Variants in SEMA3A observed in about 807,000 individuals in gnomAD.
The protein encoded by SEMA3A is semaphorin 3A.
SEMA3A carries 29 observed loss-of-function variants against 97.9 expected under a neutral mutation model. The ratio of observed to expected loss-of-function variants is 0.30; its 90% CI spans 0.22 to 0.40. The LOEUF (loss-of-function observed/expected upper bound fraction) is 0.40. Ranked by LOEUF, SEMA3A falls within the 10% of genes least tolerant of loss-of-function variation. The pLI, the probability that SEMA3A is intolerant of heterozygous loss-of-function variation, is 1.00. For missense variants in SEMA3A, 763 were observed against 951.3 expected (o/e 0.80, Z 2.60); for synonymous variants, 321 against 323.7 (o/e 0.99, Z 0.09).
intron 2 of SEMA3A, among the ~76,000 whole-genome samples, chr7:84,319,041 G>A (rs539792808): frequency 1.3e-5 from 2 of 152,116 alleles, no homozygotes; most frequent in African/African-American, 2.4e-5. Context: ...ATAATTCAAG[G>A]ACTGTTCAAA....
chr7:84,369,203 T>G (rs1013786618), intron 2 of SEMA3A, among the ~76,000 whole-genome samples: 12 of 151,168 alleles, frequency 7.9e-5, no homozygotes, highest in Admixed American at 4.0e-4. Context: ...ATTTGGGATG[T>G]CTGGAATCTT....
intron 4 of SEMA3A, among the ~76,000 whole-genome samples, chr7:84,093,350 G>A (rs1173468696): frequency 6.6e-6 from 1 of 152,100 alleles, no homozygotes; most frequent in Non-Finnish European, 1.5e-5. Context: ...TTACTCATCT[G>A]ACTTTTTGCT....
chr7:84,201,508 G>A (rs1032433880), intron 3 of SEMA3A, among the ~76,000 whole-genome samples: 9 of 151,778 alleles, frequency 5.9e-5, no homozygotes, highest in South Asian at 2.1e-4. Context: ...TTCTTTCCCC[G>A]CCCCCCAATG....
At chr7:83,981,171 AAAC>A in intron 14 of SEMA3A, 147 bp downstream of exon 14, 2 of 806,716 alleles carry the variant, frequency 2.5e-6, no homozygotes, top group South Asian at 3.6e-5. Context: ...AGAAGAGAAA[AAAC>A]AAAACGCAAC....
intron 2 of SEMA3A, among the ~76,000 whole-genome samples, chr7:84,326,237 T>G (rs77528001): frequency 0.072 from 10,966 of 152,186 alleles, 1,013 homozygotes; most frequent in African/African-American, 0.2. Context: ...GAAAGATGCA[T>G]GTTGGTTGCT....
intron 3 of SEMA3A, among the ~76,000 whole-genome samples, chr7:84,246,383 A>G: frequency 6.6e-6 from 1 of 152,216 alleles, no homozygotes; most frequent in Admixed American, 6.5e-5. Context: ...ATAAAATCTT[A>G]AACTTACGTA....
At chr7:84,260,792 T>C (rs987588331) in intron 3 of SEMA3A, among the ~76,000 whole-genome samples, 2 of 152,094 alleles carry the variant, frequency 1.3e-5, no homozygotes, top group Non-Finnish European at 2.9e-5. Context: ...AGCCTGTGCG[T>C]CATGGATGAT....
At chr7:84,102,588 CT>C (rs3074757) in intron 4 of SEMA3A, among the ~76,000 whole-genome samples, 5,125 of 96,600 alleles carry the variant, frequency 0.053, 146 homozygotes, top group South Asian at 0.08. Flanking sequence ...TGCATTATCG[CT>C]TTTTTTTTTT....
At chr7:84,060,211 G>A (rs1279819634) in intron 5 of SEMA3A, among the ~76,000 whole-genome samples, 2 of 152,162 alleles carry the variant, frequency 1.3e-5, no homozygotes. Flanking sequence ...ACCAAGTGGG[G>A]CTGCATAGTA....
At chr7:84,006,196 T>G (rs1202377448) in intron 10 of SEMA3A, among the ~76,000 whole-genome samples, 2 of 152,110 alleles carry the variant, frequency 1.3e-5, no homozygotes, top group Admixed American at 1.3e-4. Flanking sequence ...AATTAATCTT[T>G]CTTTGGATTA....
chr7:84,457,813 T>C (rs921793159), intron 1 of SEMA3A, among the ~76,000 whole-genome samples: 3 of 151,980 alleles, frequency 2.0e-5, no homozygotes, highest in African/African-American at 7.2e-5. Context: ...TCTTTAGAGA[T>C]AGATAATTAT....
chr7:84,005,585 T>C, intron 10 of SEMA3A, 27 bp from the exon 11 acceptor site: 1 of 1,443,252 alleles, frequency 6.9e-7, no homozygotes, highest in Non-Finnish European at 9.6e-7. Flanking sequence ...AAAATTATCT[T>C]TTGATTAAAA....
chr7:84,263,518 A>G (rs1442653430), intron 3 of SEMA3A, among the ~76,000 whole-genome samples: 3 of 152,206 alleles, frequency 2.0e-5, no homozygotes, highest in Non-Finnish European at 2.9e-5. Context: ...GGGTTTAATA[A>G]AAGTACCTAA....
intron 3 of SEMA3A, among the ~76,000 whole-genome samples, chr7:84,281,475 C>A (rs929238610): frequency 2.0e-5 from 3 of 152,070 alleles, no homozygotes; most frequent in African/African-American, 7.2e-5. Flanking sequence ...GAGCATCACC[C>A]AGGGATTATA....
intron 1 of SEMA3A, among the ~76,000 whole-genome samples, chr7:84,377,455 G>A (rs1803131363): frequency 6.6e-6 from 1 of 152,052 alleles, no homozygotes; most frequent in African/African-American, 2.4e-5. Flanking sequence ...TGTTCCATTG[G>A]TCTATGTGTC....
chr7:84,341,252 C>A (rs1238574109), intron 2 of SEMA3A, among the ~76,000 whole-genome samples: 1 of 152,178 alleles, frequency 6.6e-6, no homozygotes, highest in Non-Finnish European at 1.5e-5. Flanking sequence ...GTGTATCCAA[C>A]TAAGAAATTC....
intron 5 of SEMA3A, among the ~76,000 whole-genome samples, chr7:84,050,314 C>T (rs1792563742): frequency 1.3e-5 from 2 of 152,296 alleles, no homozygotes; most frequent in South Asian, 4.1e-4. Flanking sequence ...AACTAGTTTA[C>T]AGTCCCACCA....
chr7:84,265,889 A>G (rs1192197354), intron 3 of SEMA3A, among the ~76,000 whole-genome samples: 3 of 152,150 alleles, frequency 2.0e-5, no homozygotes, highest in Non-Finnish European at 4.4e-5. Context: ...TACTTGTTAT[A>G]ATTACTGAGA....
At chr7:84,299,213 C>G (rs1328955948) in intron 3 of SEMA3A, among the ~76,000 whole-genome samples, 1 of 150,922 alleles carries the variant, frequency 6.6e-6, no homozygotes, top group Non-Finnish European at 1.5e-5. Flanking sequence ...TTTTAATAAA[C>G]TCCCTTTCAT....
Sources: allele counts gnomAD v4.1 joint callset (sites outside exome capture counted in the v4.1 genomes callset), GRCh38; gene constraint gnomAD v4.1.1; transcripts MANE v1.5; gene names NCBI Gene and HGNC (gene_info 2026-07-23, HGNC 2026-07-21).